The following CDKL1 variants were observed in gnomAD, a reference collection of about 807,000 sequenced individuals.
CDKL1 encodes cyclin-dependent kinase-like 1.
In CDKL1, 41 loss-of-function variants were observed where a neutral mutation model predicts 42.0. The observed-to-expected ratio is 0.98, with a 90% CI of 0.76 to 1.27. CDKL1 has a LOEUF of 1.27. CDKL1 is among the 50% of genes most tolerant of loss of function. The pLI is 0.00. For missense variants in CDKL1, 394 were observed against 428.4 expected, an observed-to-expected ratio of 0.92 and a Z score of 0.71; for synonymous variants, 153 against 158.6, an observed-to-expected ratio of 0.96 and a Z score of 0.26.
intron 8 of CDKL1, 50 bp from the exon 9 acceptor site, chr14:50,332,482 CTT>C: frequency 6.4e-7 from 1 of 1,553,168 alleles, no homozygotes; most frequent in Admixed American, 2.1e-5. Flanking sequence ...ATTGTATTAA[CTT>C]ATTAATGTCA....
At chr14:50,387,032 GAAAAAA>G (rs772932323) in intron 2 of CDKL1, among the ~76,000 whole-genome samples, 2 of 136,662 alleles carry the variant, frequency 1.5e-5, no homozygotes, top group Non-Finnish European at 3.2e-5. Flanking sequence ...GTCTCAAAAA[GAAAAAA>G]AAAAAAAGAA....
chr14:50,358,172 C>A, intron 3 of CDKL1: 1 of 1,295,800 alleles, frequency 7.7e-7, no homozygotes, highest in South Asian at 1.2e-5. Context: ...GTAAGATCAG[C>A]GGAGCCCCCG....
intron 3 of CDKL1, among the ~76,000 whole-genome samples, chr14:50,348,085 A>T (rs969382023): frequency 6.6e-6 from 1 of 152,340 alleles, no homozygotes; most frequent in South Asian, 2.1e-4. Context: ...GGACAGGAGA[A>T]GAGATAACAG....
chr14:50,342,577 TAA>T (rs2033584891), intron 4 of CDKL1: 1 of 274,724 alleles, frequency 3.6e-6, no homozygotes, highest in African/African-American at 2.3e-5. Flanking sequence ...GTACTTATAC[TAA>T]AAGTTATGCT....
chr14:50,326,437 T>G lies in CDKL1; in HGVS notation c.*3637A>C. 1 of 983,696 alleles carries G rather than the reference T, an allele frequency of 1.0e-6. No homozygotes were observed. The highest frequency in any genetic ancestry group is 1.2e-6 in the Non-Finnish European group (1 of 828,402). 60.9% of individuals were successfully genotyped at this position (983,696 alleles called of 1,614,324 possible). On this transcript the variant is annotated 3_prime_UTR_variant, in exon 10 of 10. Coordinates refer to ENST00000395834, the MANE Select transcript of CDKL1 (RefSeq NM_004196.7). ...CCATAAATGCACAATTATGAAAAAT[T>G]AGAAGCTAAATTACAGATTCATTGA...
chr14:50,356,172 G>A (rs1390108421), intron 3 of CDKL1, among the ~76,000 whole-genome samples: 1 of 152,184 alleles, frequency 6.6e-6, no homozygotes, highest in Admixed American at 6.5e-5. Context: ...CTTATGCTTT[G>A]TTGATATTGT....
chr14:50,362,361 G>A (rs1053963154), intron 2 of CDKL1: 3 of 292,006 alleles, frequency 1.0e-5, no homozygotes, highest in Admixed American at 4.9e-5. Context: ...GGGCTCCTGA[G>A]TCTGGTGGGG....
chr14:50,390,323 C>T (rs2035218617), intron 2 of CDKL1: 1 of 1,366,524 alleles, frequency 7.3e-7, no homozygotes, highest in African/African-American at 1.5e-5. Context: ...GTGACACTGT[C>T]CTGTCCTTGA....
chr14:50,363,915 A>G (rs2034362909), intron 2 of CDKL1: 2 of 151,830 alleles, frequency 1.3e-5, no homozygotes, highest in Admixed American at 1.3e-4. Context: ...GAAGGCTCAC[A>G]CTCCCTTTCA....
intron 2 of CDKL1, among the ~76,000 whole-genome samples, chr14:50,376,014 G>GTGTC (rs1467702590): frequency 9.2e-5 from 14 of 152,240 alleles, no homozygotes; most frequent in Middle Eastern, 3.4e-3. Flanking sequence ...AGAGGAGGCT[G>GTGTC]CGGACACAGC....
At chr14:50,344,000 C>A (rs550655242) in intron 4 of CDKL1, among the ~76,000 whole-genome samples, 2 of 152,354 alleles carry the variant, frequency 1.3e-5, no homozygotes, top group South Asian at 4.1e-4. Flanking sequence ...CCTAAATTGA[C>A]CCTGGCAGTT....
Position 50,396,568 on chromosome 14 carries a change from G to C in CDKL1, c.-461-239C>G, listed in dbSNP as rs975249180. Among the ~76,000 whole-genome samples, 5 of 152,174 alleles carry C rather than the reference G, an allele frequency of 3.3e-5. No homozygotes were observed. The East Asian group carries it at 5.8e-4, about 18-fold the overall frequency. On this transcript the variant is annotated intron_variant, in intron 1 of 9. Coordinates refer to ENST00000395834, the MANE Select transcript of CDKL1 (RefSeq NM_004196.7). ...AAGACACCTGAGCTGGCTGGAGTAC[G>C]GGGAGGGCTAAGGGCTTCCCCGGTT... is the stretch of plus-strand genomic sequence containing the variant.
At chr14:50,342,477 A>G in intron 4 of CDKL1, 1 of 1,224,608 alleles carries the variant, frequency 8.2e-7, no homozygotes, top group Non-Finnish European at 1.0e-6. Flanking sequence ...CGGTCTTAGC[A>G]GAGAAAAATA....
chr14:50,389,131 A>G (rs1441971102), intron 2 of CDKL1, among the ~76,000 whole-genome samples: 5 of 151,200 alleles, frequency 3.3e-5, no homozygotes, highest in Admixed American at 3.3e-4. Context: ...AAAGAGAGAG[A>G]AAAGAAAACT....
At position 50,390,327 on chromosome 14, in the gene CDKL1, T is replaced by TC. The variant is rs1197832237; in HGVS notation, c.168+5373dup. 3 of 1,366,404 alleles carry TC rather than the reference T, an allele frequency of 2.2e-6. No individual in the cohort carries two copies. In the East Asian group the frequency reaches 1.4e-4, roughly 62 times the overall value. The allele number at this position is 1,366,404 out of a possible 1,614,324, so 84.6% of individuals were successfully genotyped here. ...GGGATCCCACAGTGACACTGTCCTGTCCTTGACCTCCAACTCCGCTAGGAG... is the reference window on the plus strand; with the variant it reads ...GGGATCCCACAGTGACACTGTCCTGTCCCTTGACCTCCAACTCCGCTAGGAG... On this transcript the variant is annotated intron_variant, in intron 2 of 9. Transcript: ENST00000395834.
chr14:50,381,280 T>C (rs1189229697), intron 2 of CDKL1, among the ~76,000 whole-genome samples: 3 of 152,190 alleles, frequency 2.0e-5, no homozygotes, highest in African/African-American at 7.2e-5. Flanking sequence ...ATGTAGGACA[T>C]CAAGTGACTG....
chr14:50,342,676 T>C, intron 4 of CDKL1: 1 of 270,784 alleles, frequency 3.7e-6, no homozygotes, highest in Middle Eastern at 1.5e-3. Flanking sequence ...AAGGTCCGGG[T>C]GAGGCTGCAT....
intron 2 of CDKL1, chr14:50,362,936 C>T (rs1386018979): frequency 2.2e-6 from 1 of 462,572 alleles, no homozygotes; most frequent in African/African-American, 2.0e-5. Context: ...TCACTCTTTG[C>T]AATAAATCTT....
At chr14:50,392,898 G>T (rs1055116120) in intron 2 of CDKL1, among the ~76,000 whole-genome samples, 4 of 152,170 alleles carry the variant, frequency 2.6e-5, no homozygotes, top group Non-Finnish European at 4.4e-5. Context: ...CCTTGAAATT[G>T]TTCTTGATTT....
Sources: gnomAD v4.1 joint callset for allele counts (sites outside exome capture counted in the v4.1 genomes callset) on GRCh38, gnomAD v4.1.1 for gene constraint, MANE v1.5 for transcripts, NCBI Gene and HGNC (gene_info 2026-07-23, HGNC 2026-07-21) for gene names.